RXFP2: variants seen among roughly 807,000 people sequenced by gnomAD.
The protein encoded by RXFP2 is relaxin receptor 2.
In RXFP2, 68 loss-of-function variants were observed where a neutral mutation model predicts 88.6. The observed-to-expected ratio is 0.77, with a 90% CI of 0.63 to 0.94. RXFP2 has a LOEUF of 0.94. Among genes scored for constraint, RXFP2 ranks in the 40% least tolerant of loss-of-function variants. The probability of loss-of-function intolerance (pLI) is 0.00; values close to 1 mark genes in which losing one functional copy is unlikely to be tolerated. For synonymous variants in RXFP2, 329 were observed against 306.8 expected (o/e 1.07, Z -0.76); for missense variants, 791 against 893.9 (o/e 0.88, Z 1.47).
chr13:31,783,409 GA>G (rs1306992425), intron 11 of RXFP2, among the ~76,000 whole-genome samples: 1 of 152,198 alleles, frequency 6.6e-6, no homozygotes, highest in African/African-American at 2.4e-5. Context: ...GATTAGGATA[GA>G]AAACTCATCT....
At chr13:31,741,209 T>A (rs1322612144) in intron 1 of RXFP2, among the ~76,000 whole-genome samples, 1 of 152,116 alleles carries the variant, frequency 6.6e-6, no homozygotes, top group Non-Finnish European at 1.5e-5. Context: ...ATAATTTTTG[T>A]TTGATTTTAT....
chr13:31,764,986 T>C (rs1220007691), intron 3 of RXFP2, 51 bp from the exon 4 acceptor site: 1 of 977,050 alleles, frequency 1.0e-6, no homozygotes, highest in Non-Finnish European at 1.7e-6. Flanking sequence ...GGCAAAGTCA[T>C]AATTAATGTA....
intron 2 of RXFP2, among the ~76,000 whole-genome samples, chr13:31,759,064 A>G (rs1236725014): frequency 7.0e-6 from 1 of 143,882 alleles, no homozygotes; most frequent in African/African-American, 2.6e-5. Context: ...AAAAAAATGC[A>G]TAAAGTGTGA....
In RXFP2 at chr13:31,739,719, C is replaced by T. The variant is rs758545130; in HGVS notation, c.94+13C>T. 9 of 1,548,136 alleles carry T rather than the reference C, an allele frequency of 5.8e-6. No individual in the cohort carries two copies. The highest frequency in any genetic ancestry group is 7.1e-6 in the Non-Finnish European group (8 of 1,120,152). ...ATCAATGTCAAAGGTAAGGTTGCTA[C>T]TTTCTCGTTTTAAATGAGTGCAATT... is the stretch of plus-strand genomic sequence containing the variant. On this transcript the variant is annotated intron_variant, in intron 1 of 17. Coordinates refer to ENST00000298386, the MANE Select transcript of RXFP2 (RefSeq NM_130806.5).
chr13:31,752,342 G>A (rs1394561230), intron 1 of RXFP2, among the ~76,000 whole-genome samples: 1 of 152,078 alleles, frequency 6.6e-6, no homozygotes, highest in Non-Finnish European at 1.5e-5. Flanking sequence ...TGAAGTGTTT[G>A]CTTTGTCCCA....
intron 2 of RXFP2, among the ~76,000 whole-genome samples, chr13:31,758,711 C>T (rs2138404130): frequency 6.6e-6 from 1 of 152,164 alleles, no homozygotes; most frequent in East Asian, 1.9e-4. Flanking sequence ...TGAATACCTC[C>T]TTATGGCTGG....
In RXFP2 at chr13:31,761,730, C is replaced by G; in HGVS notation, c.248C>G (p.Thr83Ser). The G allele has an allele frequency of 3.7e-6, 6 of 1,607,752 alleles. No individual in the cohort carries two copies. Among genetic ancestry groups the G allele is most frequent in the Non-Finnish European group, 5.1e-6 (6 of 1,174,312 alleles). The stretch of plus-strand genomic sequence containing the variant: ...CTCAATCACTATTTCACAGGTGACA[C>G]TAGTGGATGGGCGACCATATTTGGC... ...NGADEENCGDTSGWATIFGTV... is the reference protein window; with the variant it reads ...NGADEENCGDSSGWATIFGTV... The change falls in exon 3 of 18, where the codon ACT (threonine) becomes AGT (serine). Residue 83 changes from threonine to serine, a missense_variant. Thr to Ser is a moderately conservative substitution (Grantham distance 58). Transcript: ENST00000298386.
chr13:31,791,810 T>G lies in RXFP2; in HGVS notation c.1150T>G (p.Phe384Val). 1 of 1,613,126 alleles carries G rather than the reference T, an allele frequency of 6.2e-7. No individual in the cohort carries two copies. Residue 384 changes from phenylalanine (F) to valine (V), a missense_variant, in exon 15 of 18, where the codon TTC (phenylalanine) becomes GTC (valine). By Grantham distance (50) the Phe-to-Val change is conservative. Transcript: ENST00000298386. ...QPMKNLSHIY[F>V]KNFRYCSYAP... ...TTTTTTTCCCTTTGACTTTAGTTAT[T>G]TCAAAAACTTTCGATACTGCTCCTA... is the stretch of plus-strand genomic sequence containing the variant.
chr13:31,802,394 C>T lies in RXFP2; in HGVS notation c.2254C>T (p.Pro752Ser). The change falls in exon 18 of 18, where the codon CCA (proline) becomes TCA (serine). Residue 752 changes from proline to serine, a missense_variant. Coordinates refer to ENST00000298386, the MANE Select transcript of RXFP2 (RefSeq NM_130806.5). ...KITLGDSIMK[P>S]VS ...AACACTTGGAGACAGTATAATGAAA[C>T]CAGTTTCCTAGCAATCATTTTGGAT... 1.2e-5 allele frequency: 19 copies of T among 1,613,906 alleles called. No homozygotes were observed. The highest frequency in any genetic ancestry group is 1.6e-5 in the Non-Finnish European group (19 of 1,179,972).
At position 31,761,729 on chromosome 13, in the gene RXFP2, A is replaced by G. The variant is rs1872311343; in HGVS notation, c.247A>G (p.Thr83Ala). The G allele has an allele frequency of 6.2e-7, 1 of 1,609,260 alleles. No individual in the cohort carries two copies. The highest frequency in any genetic ancestry group is 1.7e-5 in the Admixed American group (1 of 60,014). The part of the protein sequence containing the change: ...NGADEENCGD[T>A]SGWATIFGTV... Reference sequence around the variant, plus strand: ...TCTCAATCACTATTTCACAGGTGACACTAGTGGATGGGCGACCATATTTGG... The same window carrying G: ...TCTCAATCACTATTTCACAGGTGACGCTAGTGGATGGGCGACCATATTTGG... Residue 83 changes from threonine (T) to alanine (A), a missense_variant, in exon 3 of 18, where the codon ACT becomes GCT. Thr to Ala is a moderately conservative substitution (Grantham distance 58, BLOSUM62 0). Transcript: ENST00000298386.
chr13:31,792,424 C>T (rs1460148923), intron 15 of RXFP2, among the ~76,000 whole-genome samples: 2 of 152,162 alleles, frequency 1.3e-5, no homozygotes, highest in East Asian at 1.9e-4. Flanking sequence ...ACTAGTCCTT[C>T]CTCCTTCCAG....
At chr13:31,769,340 C>T (rs1354874219) in intron 5 of RXFP2, among the ~76,000 whole-genome samples, 1 of 152,034 alleles carries the variant, frequency 6.6e-6, no homozygotes, top group Non-Finnish European at 1.5e-5. Flanking sequence ...AAATTTACCC[C>T]CAAGAGACTG....
rs184089883 is a variant in RXFP2 at position 31,788,473 on chromosome 13, A to G, written c.1074-649A>G. On this transcript the variant is annotated intron_variant, in intron 13 of 17. Coordinates refer to ENST00000298386, the MANE Select transcript of RXFP2 (RefSeq NM_130806.5). ...CTAAAGAGATCTTCAAAGTGTCCAC[A>G]TTTGTAGAAGCAAGCATTGAGGTCA... Among the ~76,000 whole-genome samples the G allele has an allele frequency of 2.4e-4, 36 of 152,302 alleles. No individual in the cohort carries two copies. In the East Asian group the frequency reaches 6.2e-3, roughly 26 times the overall value.
intron 10 of RXFP2, among the ~76,000 whole-genome samples, chr13:31,782,212 C>T (rs574449242): frequency 6.6e-6 from 1 of 152,086 alleles, no homozygotes; most frequent in South Asian, 2.1e-4. Flanking sequence ...TGATTCTGAT[C>T]GCTGTTTATA....
At position 31,751,589 on chromosome 13, in the gene RXFP2, C is replaced by T. The variant is rs543387757; in HGVS notation, c.95-6669C>T. On this transcript the variant is annotated intron_variant, in intron 1 of 17. Coordinates refer to ENST00000298386, the MANE Select transcript of RXFP2 (RefSeq NM_130806.5). ...CTGCAGCCTGGGATGCAGGTACATT[C>T]GTAAGTTGATGGGAATAGAATCTGG... 4.6e-5 allele frequency among the ~76,000 whole-genome samples: 7 copies of T among 152,220 alleles called. No homozygotes were observed. In the East Asian group the frequency reaches 7.7e-4, roughly 17 times the overall value.
At chr13:31,775,259 A>G (rs1294166031) in intron 6 of RXFP2, 59 bp from the exon 7 acceptor site, 10 of 1,252,180 alleles carry the variant, frequency 8.0e-6, no homozygotes, top group Admixed American at 1.7e-5. Context: ...TATTCTAATT[A>G]TATGTGACTA....
chr13:31,758,155 C>G lies in RXFP2; in HGVS notation c.95-103C>G, dbSNP rs9548977. On this transcript the variant is annotated intron_variant, in intron 1 of 17. Transcript: ENST00000298386. ...AAGAAACTGTGCACTAAGAATAATA[C>G]CAGATGAACTCAACTCATATAGCTC... The G allele has an allele frequency of 0.082, 90,363 of 1,107,404 alleles. 4,014 individuals are homozygous for G. Among genetic ancestry groups the G allele is most frequent in the Middle Eastern group, 0.12 (595 of 5,130 alleles). 68.6% of individuals were successfully genotyped at this position (1,107,404 alleles called of 1,614,324 possible).
chr13:31,782,799 A>T (rs776205898), intron 11 of RXFP2, 52 bp downstream of exon 11: 1 of 1,173,898 alleles, frequency 8.5e-7, no homozygotes, highest in Non-Finnish European at 1.3e-6. Flanking sequence ...CGAGATTATA[A>T]ATTTAAATGA....
At chr13:31,790,082 A>G (rs938383298) in intron 14 of RXFP2, among the ~76,000 whole-genome samples, 1 of 152,242 alleles carries the variant, frequency 6.6e-6, no homozygotes, top group Non-Finnish European at 1.5e-5. Flanking sequence ...TGTTAAATAT[A>G]GACCTCAGGC....
Sources: gnomAD v4.1 joint callset for allele counts (sites outside exome capture counted in the v4.1 genomes callset) on GRCh38, gnomAD v4.1.1 for gene constraint, MANE v1.5 for transcripts, NCBI Gene and HGNC (gene_info 2026-07-23, HGNC 2026-07-21) for gene names.